The following PDIA5 variants were observed in gnomAD, a reference collection of about 807,000 sequenced individuals.
The protein encoded by PDIA5 is protein disulfide-isomerase A5.
A neutral mutation model predicts 77.6 loss-of-function variants in PDIA5; 58 were observed. The ratio of observed to expected loss-of-function variants is 0.75; its 90% CI spans 0.61 to 0.93. PDIA5 has a LOEUF of 0.93. Ranked by LOEUF, PDIA5 falls within the 40% of genes least tolerant of loss-of-function variation. PDIA5 has a pLI of 0.00. For synonymous variants in PDIA5, 250 were observed against 252.1 expected (o/e 0.99, Z 0.08); for missense variants, 630 against 647.7 (o/e 0.97, Z 0.30).
chr3:123,071,001 A>T (rs995750987), intron 1 of PDIA5, among the ~76,000 whole-genome samples: 2 of 152,114 alleles, frequency 1.3e-5, no homozygotes, highest in Non-Finnish European at 2.9e-5. Context: ...AATTTTTCTG[A>T]CATGACGATA....
At chr3:123,130,425 G>C in intron 10 of PDIA5, 55 bp from the exon 11 acceptor site, 1 of 1,553,500 alleles carries the variant, frequency 6.4e-7, no homozygotes, top group Non-Finnish European at 8.7e-7. Flanking sequence ...GGAATTAGAA[G>C]GGCTGCCAAG....
chr3:123,145,714 C>T (rs555456778), intron 12 of PDIA5, 122 bp downstream of exon 12: 5 of 730,114 alleles, frequency 6.8e-6, no homozygotes, highest in African/African-American at 5.3e-5. Flanking sequence ...GCCAGCAGTA[C>T]CTCTGTGTGC....
intron 8 of PDIA5, among the ~76,000 whole-genome samples, chr3:123,122,076 G>A (rs542729380): frequency 6.6e-6 from 1 of 152,274 alleles, no homozygotes; most frequent in South Asian, 2.1e-4. Flanking sequence ...GACCCTAACA[G>A]GTGTACAATG....
At chr3:123,103,832 G>A (rs1229613577) in intron 5 of PDIA5, among the ~76,000 whole-genome samples, 2 of 152,184 alleles carry the variant, frequency 1.3e-5, no homozygotes, top group Admixed American at 6.5e-5. Context: ...GACGTCAACC[G>A]AAGTTCTTGG....
intron 2 of PDIA5, among the ~76,000 whole-genome samples, chr3:123,091,202 A>T (rs181655097): frequency 6.6e-6 from 1 of 152,006 alleles, no homozygotes; most frequent in East Asian, 1.9e-4. Context: ...GACTCCATGC[A>T]TGTCTCTTGA....
chr3:123,108,016 T>C (rs1934776816), intron 6 of PDIA5, among the ~76,000 whole-genome samples: 1 of 152,110 alleles, frequency 6.6e-6, no homozygotes, highest in Non-Finnish European at 1.5e-5. Context: ...AAGCTGGTCT[T>C]GAACATCTAT....
rs144287111 is a variant in PDIA5 at position 123,096,002 on chromosome 3, C to T, written c.257+3560C>T. Reference sequence around the variant, plus strand: ...CCAGGCTTGGTGTGTGTGTTATAAGCGTGGCTGTGGGCGTGTGCCTTCTAG... The same window carrying T: ...CCAGGCTTGGTGTGTGTGTTATAAGTGTGGCTGTGGGCGTGTGCCTTCTAG... On this transcript the variant is annotated intron_variant, in intron 3 of 16. Coordinates refer to ENST00000316218, the MANE Select transcript of PDIA5 (RefSeq NM_006810.4). 1.4e-4 allele frequency among the ~76,000 whole-genome samples: 22 copies of T among 152,242 alleles called. No individual in the cohort carries two copies. The East Asian group carries it at 2.7e-3, about 19-fold the overall frequency.
chr3:123,078,506 T>C (rs1198846244), intron 1 of PDIA5, among the ~76,000 whole-genome samples: 3 of 152,230 alleles, frequency 2.0e-5, no homozygotes, highest in Admixed American at 6.5e-5. Context: ...ATATGCCCTT[T>C]ATCTCAATTC....
chr3:123,098,756 C>T (rs909757243), intron 3 of PDIA5, among the ~76,000 whole-genome samples: 1 of 152,086 alleles, frequency 6.6e-6, no homozygotes, highest in Non-Finnish European at 1.5e-5. Flanking sequence ...GGACAGGGGC[C>T]GGGGAGTCAG....
At chr3:123,112,591 C>CAGGCTGG (rs1934891972) in intron 7 of PDIA5, among the ~76,000 whole-genome samples, 1 of 141,924 alleles carries the variant, frequency 7.0e-6, no homozygotes, top group Non-Finnish European at 1.5e-5. Context: ...CTCTGTTGCC[C>CAGGCTGG]AGGCTGGAGT....
intron 7 of PDIA5, among the ~76,000 whole-genome samples, chr3:123,111,427 G>A (rs751694553): frequency 2.0e-5 from 3 of 152,232 alleles, no homozygotes; most frequent in South Asian, 2.1e-4. Context: ...TCTGGCTCCC[G>A]CATCCTCTGC....
At chr3:123,129,947 A>G (rs1576455867) in intron 10 of PDIA5, among the ~76,000 whole-genome samples, 3 of 151,844 alleles carry the variant, frequency 2.0e-5, no homozygotes, top group Admixed American at 2.0e-4. Context: ...CTGCACCCCC[A>G]TGTGGCAGCT....
At chr3:123,147,422 A>G (rs933720264) in intron 13 of PDIA5, among the ~76,000 whole-genome samples, 1 of 152,184 alleles carries the variant, frequency 6.6e-6, no homozygotes, top group African/African-American at 2.4e-5. Context: ...AGTTGAACCT[A>G]TACGGTCTGA....
intron 6 of PDIA5, among the ~76,000 whole-genome samples, chr3:123,108,714 C>T (rs887598596): frequency 2.0e-5 from 3 of 151,488 alleles, no homozygotes; most frequent in Non-Finnish European, 2.9e-5. Flanking sequence ...GGTGAAACTC[C>T]GTCTCTACTA....
At chr3:123,132,145 A>G (rs1322728059) in intron 11 of PDIA5, among the ~76,000 whole-genome samples, 2 of 152,142 alleles carry the variant, frequency 1.3e-5, no homozygotes, top group Admixed American at 1.3e-4. Flanking sequence ...TTTACAGATG[A>G]GACCGTCACA....
intron 5 of PDIA5, among the ~76,000 whole-genome samples, 183 bp downstream of exon 5, chr3:123,102,979 C>CA (rs1934640435): frequency 6.6e-6 from 1 of 152,232 alleles, no homozygotes; most frequent in African/African-American, 2.4e-5. Context: ...TAGCTCTTAA[C>CA]ACAACAGATT....
intron 8 of PDIA5, among the ~76,000 whole-genome samples, chr3:123,120,139 T>C (rs1485857206): frequency 6.6e-6 from 1 of 152,226 alleles, no homozygotes; most frequent in Non-Finnish European, 1.5e-5. Context: ...TATTGACATC[T>C]GCACTGAGCC....
At chr3:123,135,077 A>C (rs1935466232) in intron 11 of PDIA5, among the ~76,000 whole-genome samples, 1 of 152,164 alleles carries the variant, frequency 6.6e-6, no homozygotes, top group Non-Finnish European at 1.5e-5. Flanking sequence ...TGTCAGGAGG[A>C]CAGTGGCTGC....
rs184659753 is a variant in PDIA5, at chr3:123,143,241, T to C, written c.911-2281T>C. Reference sequence around the variant, plus strand: ...TCTACTAAAAATACAAAAAATTAGCTGGGCGTGGTGGCACATGCCTGTAGT... The same window carrying C: ...TCTACTAAAAATACAAAAAATTAGCCGGGCGTGGTGGCACATGCCTGTAGT... On this transcript the variant is annotated intron_variant, in intron 11 of 16. Coordinates refer to ENST00000316218, the MANE Select transcript of PDIA5 (RefSeq NM_006810.4). Among the ~76,000 whole-genome samples the C allele has an allele frequency of 5.1e-3, 778 of 151,902 alleles. 5 individuals are homozygous for C. Among genetic ancestry groups the C allele is most frequent in the East Asian group, 0.037 (191 of 5,124 alleles).
Sources: gnomAD v4.1 joint callset for allele counts (sites outside exome capture counted in the v4.1 genomes callset) on GRCh38, gnomAD v4.1.1 for gene constraint, MANE v1.5 for transcripts, NCBI Gene and HGNC (gene_info 2026-07-23, HGNC 2026-07-21) for gene names.